FGF12: variants seen among roughly 807,000 people sequenced by gnomAD.
FGF12 encodes the protein fibroblast growth factor 12B.
Under a neutral mutation model 23.6 loss-of-function variants are expected in FGF12, and 14 were observed. The observed-to-expected ratio is 0.59, with a 90% CI of 0.39 to 0.93. FGF12 has a LOEUF of 0.93. FGF12 is among the 40% of genes least tolerant of loss of function. The pLI is 0.00. For missense variants in FGF12, 175 were observed against 217.8 expected, an observed-to-expected ratio of 0.80 and a Z score of 1.24; for synonymous variants, 62 against 77.3, an observed-to-expected ratio of 0.80 and a Z score of 1.04.
intron 5 of FGF12, among the ~76,000 whole-genome samples, chr3:192,154,672 C>T (rs1358885476): frequency 2.2e-4 from 31 of 142,890 alleles, no homozygotes; most frequent in Non-Finnish European, 7.7e-5. Flanking sequence ...TCTGCCCGTT[C>T]TCAGATCTCC....
At chr3:192,381,898 G>T (rs1719830365) in intron 2 of FGF12, among the ~76,000 whole-genome samples, 1 of 152,204 alleles carries the variant, frequency 6.6e-6, no homozygotes, top group Non-Finnish European at 1.5e-5. Flanking sequence ...CAAGGCGGAA[G>T]AAGCAGTGTG....
intron 2 of FGF12, among the ~76,000 whole-genome samples, chr3:192,535,073 A>T (rs1725192889): frequency 6.6e-6 from 1 of 152,204 alleles, no homozygotes; most frequent in African/African-American, 2.4e-5. Context: ...AAAATGAAAC[A>T]AATAAGAAAT....
chr3:192,319,510 G>A (rs1171085889), intron 4 of FGF12, among the ~76,000 whole-genome samples: 1 of 151,926 alleles, frequency 6.6e-6, no homozygotes, highest in Non-Finnish European at 1.5e-5. Flanking sequence ...GGCACGAGAA[G>A]AACTTGAACC....
intron 2 of FGF12, among the ~76,000 whole-genome samples, chr3:192,523,368 T>C (rs1406756505): frequency 2.0e-5 from 3 of 152,172 alleles, no homozygotes; most frequent in Non-Finnish European, 2.9e-5. Context: ...AAATCTGAGG[T>C]GCTACTCTTA....
At chr3:192,612,135 C>T (rs187387964) in intron 2 of FGF12, among the ~76,000 whole-genome samples, 7 of 152,056 alleles carry the variant, frequency 4.6e-5, no homozygotes, top group Admixed American at 1.3e-4. Context: ...TTCTTGGCCA[C>T]GAAAACAAAC....
In FGF12 at chr3:192,593,463, A is replaced by T. The variant is rs1283030033; in HGVS notation, c.13+133718T>A. 2.6e-5 allele frequency among the ~76,000 whole-genome samples: 4 copies of T among 151,734 alleles called. No individual in the cohort carries two copies. In the East Asian group the frequency reaches 5.8e-4, roughly 22 times the overall value. Reference sequence around the variant, plus strand: ...TATTTGCTGATATATGCTCATTTCCACCCATTGGAACATAAACTCCATGAG... The same window carrying T: ...TATTTGCTGATATATGCTCATTTCCTCCCATTGGAACATAAACTCCATGAG... On this transcript the variant is annotated intron_variant, in intron 2 of 5. Coordinates refer to ENST00000445105, the MANE Select transcript of FGF12 (RefSeq NM_004113.6).
chr3:192,544,224 T>C (rs1725440365), intron 2 of FGF12, among the ~76,000 whole-genome samples: 1 of 152,098 alleles, frequency 6.6e-6, no homozygotes, highest in South Asian at 2.1e-4. Flanking sequence ...GATTTTTTTT[T>C]CTCCACGCCA....
At chr3:192,562,611 A>G (rs1712095260) in intron 2 of FGF12, among the ~76,000 whole-genome samples, 1 of 152,188 alleles carries the variant, frequency 6.6e-6, no homozygotes, top group Non-Finnish European at 1.5e-5. Context: ...ATTGCTGTGA[A>G]TTTATATTAT....
chr3:192,499,942 T>C (rs6788153), intron 2 of FGF12, among the ~76,000 whole-genome samples: 14,432 of 152,136 alleles, frequency 0.095, 775 homozygotes, highest in Admixed American at 0.19. Flanking sequence ...ACAACCCAGG[T>C]ATTATTTTAT....
At chr3:192,190,116 T>A (rs1716699030) in intron 4 of FGF12, among the ~76,000 whole-genome samples, 1 of 152,192 alleles carries the variant, frequency 6.6e-6, no homozygotes, top group African/African-American at 2.4e-5. Context: ...ATATAAAAAA[T>A]TATTTTGAAA....
At chr3:192,198,865 A>G (rs1029338630) in intron 4 of FGF12, among the ~76,000 whole-genome samples, 1 of 152,242 alleles carries the variant, frequency 6.6e-6, no homozygotes, top group African/African-American at 2.4e-5. Flanking sequence ...TACCAGAGAC[A>G]CAGCTCTTAG....
At chr3:192,145,213 C>T (rs773212158) in intron 5 of FGF12, among the ~76,000 whole-genome samples, 5 of 152,144 alleles carry the variant, frequency 3.3e-5, no homozygotes, top group Non-Finnish European at 5.9e-5. Context: ...AGATTAAATG[C>T]CTTGCATAGA....
At chr3:192,540,648 G>A (rs1250175890) in intron 2 of FGF12, among the ~76,000 whole-genome samples, 2 of 152,114 alleles carry the variant, frequency 1.3e-5, no homozygotes, top group South Asian at 4.1e-4. Context: ...TATACATTAG[G>A]TTCATTTGGT....
intron 2 of FGF12, among the ~76,000 whole-genome samples, chr3:192,646,957 T>C (rs908281654): frequency 1.3e-5 from 2 of 152,140 alleles, no homozygotes; most frequent in African/African-American, 2.4e-5. Context: ...AACATAGAGA[T>C]AGATCTAGAG....
intron 4 of FGF12, among the ~76,000 whole-genome samples, chr3:192,313,639 CT>C (rs1716074407): frequency 6.6e-6 from 1 of 152,176 alleles, no homozygotes; most frequent in African/African-American, 2.4e-5. Flanking sequence ...ATCTCTCTTC[CT>C]TGTAGTCTCT....
At position 192,504,411 on chromosome 3, in the gene FGF12, G is replaced by T. The variant is rs76681153; in HGVS notation, c.14-143873C>A. 4.2e-3 allele frequency among the ~76,000 whole-genome samples: 638 copies of T among 152,326 alleles called. 1 individual carries two copies. The highest frequency in any genetic ancestry group is 6.2e-3 in the Non-Finnish European group (424 of 68,030). On this transcript the variant is annotated intron_variant, in intron 2 of 5. Coordinates refer to ENST00000445105, the MANE Select transcript of FGF12 (RefSeq NM_004113.6). ...TTACACACTGTAAGAGTTAACATTT[G>T]CTCTCTCACTTTCCACAGTTACTTC...
At chr3:192,145,710 C>A (rs920093777) in intron 5 of FGF12, among the ~76,000 whole-genome samples, 2 of 152,082 alleles carry the variant, frequency 1.3e-5, no homozygotes, top group African/African-American at 4.8e-5. Context: ...TTCCAACATC[C>A]CCAAAGGACT....
In FGF12 at chr3:192,336,136, CATAT is replaced by C. The variant is rs149411790; in HGVS notation, c.125-676_125-673del. On this transcript the variant is annotated intron_variant, in intron 3 of 5. Coordinates refer to ENST00000445105, the MANE Select transcript of FGF12 (RefSeq NM_004113.6). The surrounding 1 kb of genome is among the most constrained non-coding windows in gnomAD (Gnocchi z 4.3). ...ACACACACACACACACACACACACACATATACACACATATATACATACTATATAT... is the reference window on the plus strand; with the variant it reads ...ACACACACACACACACACACACACACACACACATATATACATACTATATAT... Among the ~76,000 whole-genome samples, 6 of 143,618 alleles carry C rather than the reference CATAT, an allele frequency of 4.2e-5. No individual in the cohort carries two copies. The highest frequency in any genetic ancestry group is 7.1e-5 in the Admixed American group (1 of 14,042). 94.2% of individuals were successfully genotyped at this position (143,618 alleles called of 152,430 possible). A position where few individuals can be genotyped will look rare whatever the true frequency, so the allele number is the denominator to read the frequency against.
At chr3:192,236,798 G>A (rs936942345) in intron 4 of FGF12, among the ~76,000 whole-genome samples, 5 of 152,234 alleles carry the variant, frequency 3.3e-5, no homozygotes, top group Admixed American at 6.5e-5. Flanking sequence ...ATGACACTCT[G>A]TGTCTTTTAA....
Sources: allele counts gnomAD v4.1 joint callset (sites outside exome capture counted in the v4.1 genomes callset), GRCh38; gene constraint gnomAD v4.1.1; non-coding constraint Gnocchi (gnomAD v3.1); transcripts MANE v1.5; gene names NCBI Gene and HGNC (gene_info 2026-07-23, HGNC 2026-07-21).